NCOA5: variants seen among roughly 807,000 people sequenced by gnomAD.
NCOA5 encodes the protein NCoA-5.
NCOA5 carries 12 observed loss-of-function variants against 59.0 expected under a neutral mutation model. The observed-to-expected ratio is 0.20, with a 90% CI of 0.13 to 0.33. The LOEUF (loss-of-function observed/expected upper bound fraction) is 0.33. Among genes scored for constraint, NCOA5 ranks in the 10% least tolerant of loss-of-function variants. The probability of loss-of-function intolerance (pLI) is 1.00; values close to 1 mark genes in which losing one functional copy is unlikely to be tolerated. For synonymous variants in NCOA5, 270 were observed against 275.5 expected, an observed-to-expected ratio of 0.98 and a Z score of 0.20; for missense variants, 655 against 766.6, an observed-to-expected ratio of 0.85 and a Z score of 1.72.
At chr20:46,081,080 TATA>T in intron 1 of NCOA5, among the ~76,000 whole-genome samples, 2 of 152,234 alleles carry the variant, frequency 1.3e-5, no homozygotes, top group East Asian at 3.9e-4. Flanking sequence ...CAGAGAGAAA[TATA>T]ATATCTTTGA....
chr20:46,069,036 A>G (rs183410118), intron 3 of NCOA5, among the ~76,000 whole-genome samples: 24 of 151,896 alleles, frequency 1.6e-4, no homozygotes, highest in Admixed American at 1.1e-3. Flanking sequence ...TGAACTCTTG[A>G]GCTCAGGCAA....
At chr20:46,070,952 A>G (rs772361971) in intron 2 of NCOA5, among the ~76,000 whole-genome samples, 16 of 152,210 alleles carry the variant, frequency 1.1e-4, no homozygotes, top group Non-Finnish European at 1.9e-4. Context: ...AACTGTCCTT[A>G]AAGTACGGAA....
chr20:46,084,554 C>CA (rs1017996963), intron 1 of NCOA5, among the ~76,000 whole-genome samples: 3 of 152,224 alleles, frequency 2.0e-5, no homozygotes, highest in Admixed American at 6.5e-5. Flanking sequence ...ACTCTTCCGA[C>CA]AAAAATTATC....
Position 46,062,962 on chromosome 20 carries a change from GAAC to G in NCOA5, c.1151-76_1151-74del, listed in dbSNP as rs1005007788. ...GCAGGAGGCCTAGCAGCCAAAGGAA[GAAC>G]AACAATCACTGAGTCACATCAATCA... On this transcript the variant is annotated intron_variant, in intron 7 of 7. Coordinates refer to ENST00000290231, the MANE Select transcript of NCOA5 (RefSeq NM_020967.3). The G allele has an allele frequency of 5.5e-6, 7 of 1,265,314 alleles. No homozygotes were observed. The African/African-American group carries it at 1.0e-4, about 19-fold the overall frequency. 78.4% of individuals were successfully genotyped at this position (1,265,314 alleles called of 1,614,324 possible).
At chr20:46,071,841 C>T (rs913003976) in intron 2 of NCOA5, among the ~76,000 whole-genome samples, 8 of 152,204 alleles carry the variant, frequency 5.3e-5, no homozygotes, top group African/African-American at 1.9e-4. Flanking sequence ...ATCTCTTCTG[C>T]TCAGCTCAGG....
At chr20:46,089,591 C>T (rs1053747135) in intron 1 of NCOA5, among the ~76,000 whole-genome samples, 144 of 152,240 alleles carry the variant, frequency 9.5e-4, no homozygotes, top group Non-Finnish European at 4.7e-4. Flanking sequence ...CACAGAGAAC[C>T]GTAGGCCGCC....
intron 1 of NCOA5, among the ~76,000 whole-genome samples, chr20:46,089,612 G>C (rs899286403): frequency 2.0e-5 from 3 of 151,994 alleles, no homozygotes; most frequent in African/African-American, 4.8e-5. Context: ...TCGGCCGGCC[G>C]GGCCTGGGCC....
At chr20:46,066,836 C>A (rs912769857) in intron 5 of NCOA5, among the ~76,000 whole-genome samples, 3 of 152,198 alleles carry the variant, frequency 2.0e-5, no homozygotes, top group African/African-American at 7.2e-5. Flanking sequence ...TGTGGCTGTG[C>A]CTCAATTTCC....
intron 6 of NCOA5, 150 bp from the exon 7 acceptor site, chr20:46,063,830 G>A: frequency 1.2e-6 from 1 of 800,858 alleles, no homozygotes; most frequent in Non-Finnish European, 1.9e-6. Context: ...GGTGGTGTGG[G>A]GGGAGAGATG....
Position 46,062,538 on chromosome 20 carries a change from G to T in NCOA5, c.1502C>A (p.Pro501His), listed in dbSNP as rs755009073. ...GGSAQNMGPRPGAPSQGLFGQ... is the reference protein window; with the variant it reads ...GGSAQNMGPRHGAPSQGLFGQ... ...AAAAAGCCCTTGGGAAGGAGCCCCAGGTCTGGGGCCCATGTTCTGAGCAGA... is the reference window on the plus strand; with the variant it reads ...AAAAAGCCCTTGGGAAGGAGCCCCATGTCTGGGGCCCATGTTCTGAGCAGA... The change falls in exon 8 of 8, where the codon CCT becomes CAT. Residue 501 changes from proline (P) to histidine (H), a missense_variant. Physicochemically the swap from Pro to His is moderately conservative, Grantham distance 77. Transcript: ENST00000290231. 3.1e-6 allele frequency: 5 copies of T among 1,614,076 alleles called. No individual in the cohort carries two copies. The African/African-American group carries it at 6.7e-5, about 22-fold the overall frequency.
chr20:46,075,424 A>G (rs2084926704), intron 2 of NCOA5, among the ~76,000 whole-genome samples: 1 of 152,206 alleles, frequency 6.6e-6, no homozygotes, highest in East Asian at 1.9e-4. Flanking sequence ...GGCCCTGTGG[A>G]TAAGCAGAAA....
intron 4 of NCOA5, 98 bp from the exon 5 acceptor site, chr20:46,067,279 C>A: frequency 7.2e-7 from 1 of 1,386,906 alleles, no homozygotes; most frequent in Non-Finnish European, 9.7e-7. Flanking sequence ...CTGAATCAAT[C>A]CTCTGGTCTA....
chr20:46,064,177 C>T (rs2035797209), intron 6 of NCOA5, among the ~76,000 whole-genome samples: 1 of 152,192 alleles, frequency 6.6e-6, no homozygotes, highest in Non-Finnish European at 1.5e-5. Context: ...CCTCTCCTCA[C>T]CCATGGGCAA....
chr20:46,062,928 C>A (rs1481228786), intron 7 of NCOA5, 39 bp from the exon 8 acceptor site: 3 of 1,488,072 alleles, frequency 2.0e-6, no homozygotes, highest in African/African-American at 2.8e-5. Flanking sequence ...TTCAAAGTAC[C>A]CCCCAAGGGC....
chr20:46,070,709 T>C (rs538109000), intron 2 of NCOA5, among the ~76,000 whole-genome samples, 173 bp from the exon 3 acceptor site: 2 of 152,262 alleles, frequency 1.3e-5, no homozygotes, highest in South Asian at 2.1e-4. Context: ...GCAAATAGTC[T>C]AGAGGTTCCA....
Position 46,062,905 on chromosome 20 carries a change from G to A in NCOA5, c.1151-16C>T, listed in dbSNP as rs761729812. On this transcript the variant is annotated splice_polypyrimidine_tract_variant and intron_variant, in intron 7 of 7. Transcript: ENST00000290231. ...GAAATCGGGCCTGGAAGACAGAAGAGGGAGGTATCTGGTTCAAAGTACCCC... is the reference window on the plus strand; with the variant it reads ...GAAATCGGGCCTGGAAGACAGAAGAAGGAGGTATCTGGTTCAAAGTACCCC... 7 of 1,511,712 alleles carry A rather than the reference G, an allele frequency of 4.6e-6. No homozygotes were observed. Among genetic ancestry groups the A allele is most frequent in the East Asian group, 4.5e-5 (2 of 44,080 alleles). 93.6% of individuals were successfully genotyped at this position (1,511,712 alleles called of 1,614,324 possible). A position where few individuals can be genotyped will look rare whatever the true frequency, so the allele number is the denominator to read the frequency against.
At chr20:46,064,590 C>G (rs1163453379) in intron 6 of NCOA5, among the ~76,000 whole-genome samples, 2 of 152,206 alleles carry the variant, frequency 1.3e-5, no homozygotes, top group African/African-American at 4.8e-5. Flanking sequence ...AGGATTTTGT[C>G]ACATTCAGTG....
chr20:46,075,863 A>C (rs961075531), intron 2 of NCOA5, among the ~76,000 whole-genome samples: 6 of 152,238 alleles, frequency 3.9e-5, no homozygotes, highest in African/African-American at 9.6e-5. Flanking sequence ...ATAAGAATTC[A>C]GGCTGAAATG....
intron 2 of NCOA5, among the ~76,000 whole-genome samples, chr20:46,072,534 C>T (rs1262363689): frequency 6.6e-6 from 1 of 152,142 alleles, no homozygotes; most frequent in Non-Finnish European, 1.5e-5. Context: ...ACAACCTCTA[C>T]CAATGCCATG....
Sources: allele counts gnomAD v4.1 joint callset (sites outside exome capture counted in the v4.1 genomes callset), GRCh38; gene constraint gnomAD v4.1.1; transcripts MANE v1.5; gene names NCBI Gene and HGNC (gene_info 2026-07-23, HGNC 2026-07-21).